The following PHC2 variants were observed in gnomAD, a reference collection of about 807,000 sequenced individuals.
PHC2 encodes polyhomeotic-like protein 2.
Under a neutral mutation model 87.4 loss-of-function variants are expected in PHC2, and 29 were observed. The observed-to-expected ratio is 0.33, with a 90% CI of 0.25 to 0.45. The LOEUF is 0.45. PHC2 is among the 20% of genes least tolerant of loss of function. The pLI, the probability that PHC2 is intolerant of heterozygous loss-of-function variation, is 1.00. For missense variants in PHC2, 857 were observed against 1,136.7 expected (o/e 0.75, Z 3.54); for synonymous variants, 438 against 461.7 (o/e 0.95, Z 0.66).
At chr1:33,408,116 C>T (rs1228004295) in intron 1 of PHC2, among the ~76,000 whole-genome samples, 1 of 152,120 alleles carries the variant, frequency 6.6e-6, no homozygotes, top group South Asian at 2.1e-4. Flanking sequence ...ATTTATTTCT[C>T]TCAGTTTTTT....
At chr1:33,342,849 C>T (rs1010366724) in intron 9 of PHC2, among the ~76,000 whole-genome samples, 7 of 152,180 alleles carry the variant, frequency 4.6e-5, no homozygotes, top group African/African-American at 7.2e-5. Flanking sequence ...GATTTCAAAA[C>T]GCAAAATGTC....
intron 7 of PHC2, among the ~76,000 whole-genome samples, chr1:33,357,008 G>C (rs1040518399): frequency 6.6e-6 from 1 of 152,208 alleles, no homozygotes; most frequent in African/African-American, 2.4e-5. Context: ...TTTGGAGTAG[G>C]GATTCAGGAA....
chr1:33,363,321 C>G (rs1647252816), intron 7 of PHC2: 1 of 152,194 alleles, frequency 6.6e-6, no homozygotes, highest in Non-Finnish European at 1.5e-5. Flanking sequence ...CAGTGGATAG[C>G]TGAAATGACC....
intron 1 of PHC2, among the ~76,000 whole-genome samples, chr1:33,419,164 T>C (rs942649882): frequency 1.3e-5 from 2 of 152,270 alleles, no homozygotes; most frequent in African/African-American, 4.8e-5. Flanking sequence ...TAGTAAAGAC[T>C]ACATACATGT....
rs760869150 is a variant in PHC2, at chr1:33,375,565, C to T, written c.-26G>A. On this transcript the variant is annotated 5_prime_UTR_variant, in exon 2 of 15. Transcript: ENST00000683057. ...GGCCTGCAGTGTGGCGCAGTCAGGG[C>T]GCTCGGATGGCAGAAGGGCAGGCAG... is the stretch of plus-strand genomic sequence containing the variant. 20 of 1,460,400 alleles carry T rather than the reference C, an allele frequency of 1.4e-5. No individual in the cohort carries two copies. The highest frequency in any genetic ancestry group is 4.3e-5 in the African/African-American group (3 of 69,662). The allele number at this position is 1,460,400 out of a possible 1,614,324, so 90.5% of individuals were successfully genotyped here. A position where few individuals can be genotyped will look rare whatever the true frequency, so the allele number is the denominator to read the frequency against.
chr1:33,404,260 T>A (rs1295420524), intron 1 of PHC2, among the ~76,000 whole-genome samples: 1 of 152,212 alleles, frequency 6.6e-6, no homozygotes, highest in East Asian at 1.9e-4. Context: ...TGTTTTTCCA[T>A]CTATAGAATA....
chr1:33,385,334 A>C (rs1215821487), intron 1 of PHC2, among the ~76,000 whole-genome samples: 1 of 152,240 alleles, frequency 6.6e-6, no homozygotes, highest in East Asian at 1.9e-4. Context: ...CAAAAATCAC[A>C]CAAAGGCAAA....
At chr1:33,430,383 C>A (rs558013617) in intron 1 of PHC2, among the ~76,000 whole-genome samples, 1 of 152,320 alleles carries the variant, frequency 6.6e-6, no homozygotes, top group African/African-American at 2.4e-5. Context: ...CCCCCGGTTC[C>A]CTCTGCTGGT....
chr1:33,354,161 A>C (rs894525987), intron 9 of PHC2, among the ~76,000 whole-genome samples: 1 of 152,168 alleles, frequency 6.6e-6, no homozygotes, highest in Non-Finnish European at 1.5e-5. Context: ...GGTAGGCCCC[A>C]GTGTCTGGCT....
intron 9 of PHC2, among the ~76,000 whole-genome samples, chr1:33,351,625 C>T (rs138854474): frequency 0.01 from 1,538 of 152,316 alleles, 12 homozygotes; most frequent in Non-Finnish European, 0.017. Flanking sequence ...TACCTCCCTT[C>T]CCACAGTGCT....
intron 14 of PHC2, chr1:33,325,837 G>A (rs1175508369): frequency 2.2e-6 from 1 of 456,272 alleles, no homozygotes; most frequent in Non-Finnish European, 4.4e-6. Context: ...ATAGATGTGG[G>A]CGTGGCCTCA....
At chr1:33,330,260 TG>T in intron 12 of PHC2, 48 bp from the exon 13 acceptor site, 16 of 1,603,972 alleles carry the variant, frequency 1.0e-5, no homozygotes, top group Non-Finnish European at 1.4e-5. Flanking sequence ...ATTGTGCTTA[TG>T]GGCCGTAGGC....
At chr1:33,391,774 G>A (rs1649064218) in intron 1 of PHC2, among the ~76,000 whole-genome samples, 1 of 152,188 alleles carries the variant, frequency 6.6e-6, no homozygotes, top group Non-Finnish European at 1.5e-5. Context: ...ACAAGCCAGA[G>A]AGAGTACACA....
intron 1 of PHC2, among the ~76,000 whole-genome samples, chr1:33,428,268 G>A (rs1171464592): frequency 6.6e-6 from 1 of 152,108 alleles, no homozygotes; most frequent in East Asian, 1.9e-4. Context: ...ACAAATACAG[G>A]ATAGTATTTG....
chr1:33,363,845 C>T (rs1039012715), intron 7 of PHC2: 10 of 985,338 alleles, frequency 1.0e-5, no homozygotes, highest in African/African-American at 1.7e-5. Flanking sequence ...GACTCGGCTT[C>T]CCTGAAGGCC....
chr1:33,376,501 C>T (rs999535508), intron 1 of PHC2, among the ~76,000 whole-genome samples: 2 of 152,238 alleles, frequency 1.3e-5, no homozygotes, highest in Non-Finnish European at 2.9e-5. Flanking sequence ...CTATAACGTT[C>T]TCCCTAGCAG....
At chr1:33,333,952 T>C in intron 10 of PHC2, 138 bp downstream of exon 10, 3 of 745,720 alleles carry the variant, frequency 4.0e-6, no homozygotes, top group African/African-American at 3.6e-5. Flanking sequence ...AATGGCTCTA[T>C]ATTCTTTGGG....
intron 1 of PHC2, among the ~76,000 whole-genome samples, chr1:33,421,113 C>G (rs1029023840): frequency 4.4e-5 from 6 of 137,470 alleles, no homozygotes; most frequent in Non-Finnish European, 8.4e-5. Context: ...TCCATCTCTT[C>G]TATTTCAGGA....
intron 1 of PHC2, among the ~76,000 whole-genome samples, chr1:33,387,497 T>A (rs1055155915): frequency 6.6e-6 from 1 of 152,226 alleles, no homozygotes; most frequent in African/African-American, 2.4e-5. Context: ...TTTTATCCAT[T>A]AGGAGGCCAG....
Sources: allele counts gnomAD v4.1 joint callset (sites outside exome capture counted in the v4.1 genomes callset), GRCh38; gene constraint gnomAD v4.1.1; transcripts MANE v1.5; gene names NCBI Gene and HGNC (gene_info 2026-07-23, HGNC 2026-07-21).